The following PLCXD3 variants were observed in gnomAD, a reference collection of about 807,000 sequenced individuals.
PLCXD3 encodes phosphatidylinositol specific phospholipase C X domain containing 3.
Under a neutral mutation model 25.5 loss-of-function variants are expected in PLCXD3, and 19 were observed. The observed-to-expected ratio is 0.75, with a 90% CI of 0.52 to 1.09. PLCXD3 has a LOEUF of 1.09. Among genes scored for constraint, PLCXD3 ranks in the 50% least tolerant of loss-of-function variants. The pLI, the probability that PLCXD3 is intolerant of heterozygous loss-of-function variation, is 0.00. For synonymous variants in PLCXD3, 174 were observed against 137.6 expected (o/e 1.26, Z -1.85); for missense variants, 411 against 388.1 (o/e 1.06, Z -0.50).
intron 2 of PLCXD3, among the ~76,000 whole-genome samples, chr5:41,371,028 C>CA (rs1317291021): frequency 6.6e-6 from 1 of 152,118 alleles, no homozygotes; most frequent in Non-Finnish European, 1.5e-5. Context: ...GAAAGAAAGT[C>CA]AAGTTGACTG....
At chr5:41,491,620 G>C (rs1736963249) in intron 1 of PLCXD3, among the ~76,000 whole-genome samples, 1 of 152,078 alleles carries the variant, frequency 6.6e-6, no homozygotes, top group Admixed American at 6.5e-5. Flanking sequence ...GGGTGCTCCT[G>C]TGTTGGGTGC....
chr5:41,333,034 T>C (rs909503172), intron 2 of PLCXD3, among the ~76,000 whole-genome samples: 2 of 152,110 alleles, frequency 1.3e-5, no homozygotes, highest in African/African-American at 4.8e-5. Context: ...GCATGGCACA[T>C]GTATACATTT....
Position 41,411,616 on chromosome 5 carries a change from CATAAGATGAT to C in PLCXD3, c.104-29092_104-29083del, listed in dbSNP as rs200744917. On this transcript the variant is annotated intron_variant, in intron 1 of 2. Transcript: ENST00000377801. ...AATGTAGGTACCAAGTTGAGCCCAT[CATAAGATGAT>C]TCTGAATAGTATCACCTTCATGCTA... Among the ~76,000 whole-genome samples, 116 of 152,210 alleles carry C rather than the reference CATAAGATGAT, an allele frequency of 7.6e-4. No individual in the cohort carries two copies. In the East Asian group the frequency reaches 0.022, roughly 29 times the overall value.
intron 2 of PLCXD3, among the ~76,000 whole-genome samples, chr5:41,328,048 T>C (rs1303916740): frequency 3.3e-5 from 5 of 152,000 alleles, no homozygotes; most frequent in Non-Finnish European, 1.5e-5. Flanking sequence ...CATTTCAAGA[T>C]AAATGAAATT....
rs141869858 is a variant in PLCXD3 at position 41,311,936 on chromosome 5, G to A, written c.*1681C>T. 5.1e-4 allele frequency: 77 copies of A among 152,384 alleles called. No homozygotes were observed. The highest frequency in any genetic ancestry group is 1.8e-3 in the African/African-American group (74 of 41,438). 9.4% of individuals were successfully genotyped at this position (152,384 alleles called of 1,614,324 possible). ...ATTTCTCTATGACCCTACTTTGCAT[G>A]GACTGTATTATCCTAGGAAACTATT... On this transcript the variant is annotated 3_prime_UTR_variant, in exon 3 of 3. Transcript: ENST00000377801.
chr5:41,450,553 GA>G (rs1298143558), intron 1 of PLCXD3, among the ~76,000 whole-genome samples: 4 of 152,080 alleles, frequency 2.6e-5, no homozygotes. Context: ...GAAGCAGCTT[GA>G]AAGTTTCCTC....
intron 1 of PLCXD3, among the ~76,000 whole-genome samples, chr5:41,495,866 T>C (rs1464536340): frequency 2.6e-5 from 4 of 151,794 alleles, no homozygotes; most frequent in Non-Finnish European, 1.5e-5. Flanking sequence ...AATGAGAAAA[T>C]AATCAAGTCA....
At chr5:41,432,433 G>T (rs1747138739) in intron 1 of PLCXD3, among the ~76,000 whole-genome samples, 1 of 151,800 alleles carries the variant, frequency 6.6e-6, no homozygotes, top group Non-Finnish European at 1.5e-5. Flanking sequence ...AGTAAGAAGG[G>T]GATGAAAGTG....
At chr5:41,375,169 GAGAA>G (rs773380956) in intron 2 of PLCXD3, among the ~76,000 whole-genome samples, 2,016 of 151,750 alleles carry the variant, frequency 0.013, 20 homozygotes, top group Admixed American at 0.023. Flanking sequence ...GAAAGAGAGA[GAGAA>G]AGAGAAAGAG....
intron 2 of PLCXD3, among the ~76,000 whole-genome samples, chr5:41,372,294 TCTCTCACACACA>T (rs1252955729): frequency 4.5e-5 from 6 of 133,256 alleles, no homozygotes; most frequent in African/African-American, 1.2e-4. Flanking sequence ...TCTCTCTCTC[TCTCTCACACACA>T]CACACACACA....
At chr5:41,344,616 T>G (rs138559022) in intron 2 of PLCXD3, among the ~76,000 whole-genome samples, 1 of 152,220 alleles carries the variant, frequency 6.6e-6, no homozygotes, top group African/African-American at 2.4e-5. Context: ...GGCTGATATC[T>G]ATGACTGACA....
chr5:41,331,170 A>C (rs1237952213), intron 2 of PLCXD3, among the ~76,000 whole-genome samples: 1 of 152,218 alleles, frequency 6.6e-6, no homozygotes, highest in Admixed American at 6.5e-5. Flanking sequence ...CTGTTTGCAG[A>C]TGACATGATT....
At chr5:41,392,076 G>A (rs2150496288) in intron 1 of PLCXD3, among the ~76,000 whole-genome samples, 1 of 152,268 alleles carries the variant, frequency 6.6e-6, no homozygotes, top group East Asian at 1.9e-4. Context: ...TTTGATTCTA[G>A]TCTCTGACTC....
At chr5:41,474,255 T>C (rs1039482238) in intron 1 of PLCXD3, among the ~76,000 whole-genome samples, 3 of 152,170 alleles carry the variant, frequency 2.0e-5, no homozygotes, top group Non-Finnish European at 2.9e-5. Context: ...GGCTTCTTAA[T>C]TGATAACAGG....
chr5:41,490,774 G>A (rs1185793700), intron 1 of PLCXD3, among the ~76,000 whole-genome samples: 1 of 152,048 alleles, frequency 6.6e-6, no homozygotes, highest in Non-Finnish European at 1.5e-5. Flanking sequence ...TGGGATCGGT[G>A]GTGATATCCC....
intron 1 of PLCXD3, among the ~76,000 whole-genome samples, chr5:41,472,207 T>C (rs535009206): frequency 5.1e-4 from 77 of 152,148 alleles, no homozygotes; most frequent in Non-Finnish European, 8.4e-4. Flanking sequence ...AGATTCTTTG[T>C]TGAAGCATGT....
chr5:41,480,026 G>T (rs1219049164), intron 1 of PLCXD3, among the ~76,000 whole-genome samples: 1 of 152,064 alleles, frequency 6.6e-6, no homozygotes, highest in Non-Finnish European at 1.5e-5. Context: ...CAAAGTTTGG[G>T]AAAATGCATT....
At chr5:41,437,437 T>G (rs1434960264) in intron 1 of PLCXD3, among the ~76,000 whole-genome samples, 1 of 152,252 alleles carries the variant, frequency 6.6e-6, no homozygotes, top group Non-Finnish European at 1.5e-5. Flanking sequence ...AGCCCTGTGA[T>G]AGTGACTTGT....
intron 1 of PLCXD3, among the ~76,000 whole-genome samples, chr5:41,408,692 C>A (rs1260632336): frequency 6.6e-6 from 1 of 152,160 alleles, no homozygotes; most frequent in Non-Finnish European, 1.5e-5. Flanking sequence ...ATCCGCACAT[C>A]TTTATTAAGA....
Sources: allele counts gnomAD v4.1 joint callset (sites outside exome capture counted in the v4.1 genomes callset), GRCh38; gene constraint gnomAD v4.1.1; transcripts MANE v1.5; gene names NCBI Gene and HGNC (gene_info 2026-07-23, HGNC 2026-07-21).